GABRG3: variants seen among roughly 807,000 people sequenced by gnomAD.
GABRG3 encodes gamma-aminobutyric acid receptor subunit gamma-3.
GABRG3 carries 25 observed loss-of-function variants against 48.8 expected under a neutral mutation model. The ratio of observed to expected loss-of-function variants is 0.51; its 90% CI spans 0.37 to 0.72. The LOEUF is 0.72. Ranked by LOEUF, GABRG3 falls within the 30% of genes least tolerant of loss-of-function variation. The pLI, the probability that GABRG3 is intolerant of heterozygous loss-of-function variation, is 0.00. For synonymous variants in GABRG3, 227 were observed against 217.6 expected, an observed-to-expected ratio of 1.04 and a Z score of -0.38; for missense variants, 394 against 577.9, an observed-to-expected ratio of 0.68 and a Z score of 3.26.
At position 27,528,008 on chromosome 15, in the gene GABRG3, C is replaced by T. The variant is rs1239413246; in HGVS notation, c.1122+16C>T. The T allele has an allele frequency of 3.8e-6, 6 of 1,572,734 alleles. No individual in the cohort carries two copies. The East Asian group carries it at 1.4e-4, about 36-fold the overall frequency. On this transcript the variant is annotated intron_variant, in intron 9 of 9. Transcript: ENST00000615808. Reference sequence around the variant, plus strand: ...AGCCCCTTCCGTACGTATAGCATTGCAGGTGCCAATATTTCTGAGAACTTT... The same window carrying T: ...AGCCCCTTCCGTACGTATAGCATTGTAGGTGCCAATATTTCTGAGAACTTT...
chr15:27,195,783 C>T (rs1232800388), intron 3 of GABRG3, among the ~76,000 whole-genome samples: 1 of 151,998 alleles, frequency 6.6e-6, no homozygotes, highest in African/African-American at 2.4e-5. Flanking sequence ...TACAGGTGCC[C>T]ACCACCATGC....
At chr15:27,036,368 A>G (rs2140692462) in intron 3 of GABRG3, among the ~76,000 whole-genome samples, 1 of 152,302 alleles carries the variant, frequency 6.6e-6, no homozygotes, top group African/African-American at 2.4e-5. Flanking sequence ...TATGCAAGGT[A>G]GTAAGCAGGG....
At chr15:27,527,334 G>A in intron 7 of GABRG3, 99 bp from the exon 8 acceptor site, 1 of 1,062,388 alleles carries the variant, frequency 9.4e-7, no homozygotes, top group South Asian at 1.5e-5. Context: ...AGGGATTCCT[G>A]TAAGGCAGCC....
At chr15:26,989,686 T>A (rs1051470406) in intron 2 of GABRG3, among the ~76,000 whole-genome samples, 6 of 152,212 alleles carry the variant, frequency 3.9e-5, no homozygotes, top group African/African-American at 1.4e-4. Flanking sequence ...TTTTTGACTA[T>A]AGTTCCCCTC....
rs1200171832 is a variant in GABRG3, at chr15:27,319,839, T to C, written c.271-6970T>C. 5.3e-5 allele frequency among the ~76,000 whole-genome samples: 8 copies of C among 152,336 alleles called. No homozygotes were observed. In the East Asian group the frequency reaches 1.5e-3, roughly 29 times the overall value. On this transcript the variant is annotated intron_variant, in intron 3 of 9. Transcript: ENST00000615808. This position sits in a 1 kb window ranked among gnomAD's most constrained non-coding sequence, Gnocchi z 4.4. ...GGCTCTGGGTAGCCATGATACATTT[T>C]TTTAATAGCAGCATATATGGTTGAA...
At chr15:27,186,772 T>C (rs1888111595) in intron 3 of GABRG3, among the ~76,000 whole-genome samples, 1 of 152,212 alleles carries the variant, frequency 6.6e-6, no homozygotes, top group African/African-American at 2.4e-5. Flanking sequence ...GTTGGGCATT[T>C]TTTCACGTTT....
chr15:27,360,868 C>T (rs181599446), intron 5 of GABRG3, among the ~76,000 whole-genome samples: 1 of 152,366 alleles, frequency 6.6e-6, no homozygotes, highest in East Asian at 1.9e-4. Context: ...TCTGACGGCA[C>T]TGTCTGGCCA....
chr15:27,501,968 T>C (rs940229401), intron 6 of GABRG3, among the ~76,000 whole-genome samples: 31 of 152,256 alleles, frequency 2.0e-4, no homozygotes, highest in African/African-American at 7.0e-4. Context: ...TTCTCACACA[T>C]TGGCTATCAG....
At chr15:26,984,957 T>C (rs533555724) in intron 2 of GABRG3, among the ~76,000 whole-genome samples, 1 of 152,366 alleles carries the variant, frequency 6.6e-6, no homozygotes, top group East Asian at 1.9e-4. Context: ...CTGAATCATC[T>C]TGTCTTGGCC....
intron 2 of GABRG3, among the ~76,000 whole-genome samples, chr15:27,020,194 C>T (rs890872124): frequency 2.0e-5 from 3 of 152,236 alleles, no homozygotes; most frequent in Non-Finnish European, 2.9e-5. Flanking sequence ...GCAGTCAGGC[C>T]GCACCCTCCA....
chr15:27,062,434 T>TTA (rs773271266), intron 3 of GABRG3, among the ~76,000 whole-genome samples: 1 of 32,826 alleles, frequency 3.0e-5, no homozygotes. Flanking sequence ...CCATCTCTAC[T>TTA]AAAAAAAAAA....
At chr15:27,426,096 A>G (rs74377708) in intron 5 of GABRG3, among the ~76,000 whole-genome samples, 2,029 of 152,318 alleles carry the variant, frequency 0.013, 33 homozygotes, top group African/African-American at 0.047. Context: ...CTCTCCTAGA[A>G]TAAAAATGTC....
intron 6 of GABRG3, among the ~76,000 whole-genome samples, chr15:27,483,984 G>C (rs1162767000): frequency 6.6e-6 from 1 of 151,976 alleles, no homozygotes; most frequent in Admixed American, 6.6e-5. Context: ...ACCCACGCTG[G>C]AGTGCAATGG....
At chr15:27,404,304 T>A (rs76846986) in intron 5 of GABRG3, among the ~76,000 whole-genome samples, 1,852 of 152,296 alleles carry the variant, frequency 0.012, 12 homozygotes, top group Non-Finnish European at 0.021. Flanking sequence ...CCTTCTCTGG[T>A]ACCTGGGCTG....
intron 3 of GABRG3, among the ~76,000 whole-genome samples, chr15:27,061,087 A>G (rs1390760460): frequency 6.6e-6 from 1 of 152,252 alleles, no homozygotes; most frequent in African/African-American, 2.4e-5. Context: ...ATGAAGAATG[A>G]GGCAATTGCC....
At chr15:27,295,455 G>C (rs534668733) in intron 3 of GABRG3, among the ~76,000 whole-genome samples, 1 of 152,098 alleles carries the variant, frequency 6.6e-6, no homozygotes, top group Non-Finnish European at 1.5e-5. Flanking sequence ...CAGAACAAGG[G>C]ACCCAGTGAA....
chr15:27,203,884 GTTGT>G (rs1028512410), intron 3 of GABRG3, among the ~76,000 whole-genome samples: 30 of 151,960 alleles, frequency 2.0e-4, no homozygotes, highest in Non-Finnish European at 2.2e-4. Context: ...TTTTAATGGA[GTTGT>G]TTGTTTTTTT....
intron 3 of GABRG3, among the ~76,000 whole-genome samples, chr15:27,111,986 A>G (rs1219763693): frequency 1.3e-5 from 2 of 152,178 alleles, no homozygotes; most frequent in African/African-American, 4.8e-5. Context: ...TGCCAGGACC[A>G]GGAGGGGATC....
At chr15:27,494,632 G>T (rs370134897) in intron 6 of GABRG3, among the ~76,000 whole-genome samples, 118 of 152,242 alleles carry the variant, frequency 7.8e-4, no homozygotes, top group African/African-American at 2.4e-3. Context: ...TGTTTGAGAA[G>T]TTGTTACACT....
Sources: gnomAD v4.1 joint callset for allele counts (sites outside exome capture counted in the v4.1 genomes callset) on GRCh38, gnomAD v4.1.1 for gene constraint, Gnocchi (gnomAD v3.1) non-coding constraint, MANE v1.5 for transcripts, NCBI Gene and HGNC (gene_info 2026-07-23, HGNC 2026-07-21) for gene names.